CERS6: variants seen among roughly 807,000 people sequenced by gnomAD.
CERS6 encodes the protein LAG1 homolog, ceramide synthase 6.
In CERS6, 26 loss-of-function variants were observed where a neutral mutation model predicts 56.8. The ratio of observed to expected loss-of-function variants is 0.46; its 90% confidence interval spans 0.34 to 0.63. The LOEUF (loss-of-function observed/expected upper bound fraction) is 0.63. CERS6 is among the 30% of genes least tolerant of loss of function. The pLI, the probability that CERS6 is intolerant of heterozygous loss-of-function variation, is 0.01. For synonymous variants in CERS6, 164 were observed against 173.3 expected (o/e 0.95, Z 0.42); for missense variants, 415 against 467.5 (o/e 0.89, Z 1.04).
intron 4 of CERS6, among the ~76,000 whole-genome samples, chr2:168,683,258 A>G (rs970764822): frequency 1.2e-4 from 19 of 152,224 alleles, no homozygotes; most frequent in African/African-American, 4.3e-4. Flanking sequence ...CTGTAAGTAT[A>G]TAAGTGACCT....
At chr2:168,582,173 C>T (rs937339002) in intron 3 of CERS6, among the ~76,000 whole-genome samples, 5 of 152,232 alleles carry the variant, frequency 3.3e-5, no homozygotes, top group Non-Finnish European at 7.3e-5. Context: ...GGCACACACT[C>T]ATCCTATGGA....
At chr2:168,530,016 C>T (rs952609056) in intron 1 of CERS6, among the ~76,000 whole-genome samples, 4 of 152,076 alleles carry the variant, frequency 2.6e-5, no homozygotes, top group African/African-American at 9.7e-5. Flanking sequence ...CTATGTGTTT[C>T]TTGGCTGGTC....
intron 3 of CERS6, among the ~76,000 whole-genome samples, chr2:168,568,941 A>T (rs766808308): frequency 6.6e-6 from 1 of 152,238 alleles, no homozygotes; most frequent in Admixed American, 6.5e-5. Context: ...TAAAAACAGG[A>T]GCAGTTTTAT....
At chr2:168,683,450 CTT>C (rs1263493180) in intron 4 of CERS6, among the ~76,000 whole-genome samples, 1 of 152,158 alleles carries the variant, frequency 6.6e-6, no homozygotes, top group African/African-American at 2.4e-5. Flanking sequence ...TTTATGAACT[CTT>C]TACATATTAG....
chr2:168,591,977 T>C (rs920944181), intron 3 of CERS6, among the ~76,000 whole-genome samples: 5 of 152,200 alleles, frequency 3.3e-5, no homozygotes, highest in Non-Finnish European at 7.4e-5. Context: ...CTTTTCATAA[T>C]TGGGCCTCAG....
chr2:168,692,547 G>A (rs1686532263), intron 5 of CERS6, among the ~76,000 whole-genome samples: 1 of 152,120 alleles, frequency 6.6e-6, no homozygotes, highest in Admixed American at 6.6e-5. Flanking sequence ...GAAAGTTTGA[G>A]GGTCTGGGAG....
intron 1 of CERS6, among the ~76,000 whole-genome samples, chr2:168,502,235 C>G (rs907409072): frequency 6.6e-6 from 1 of 150,982 alleles, no homozygotes; most frequent in African/African-American, 2.4e-5. Context: ...ATTGGATGTT[C>G]GTTTGGACCT....
intron 4 of CERS6, among the ~76,000 whole-genome samples, chr2:168,682,956 T>C (rs1052458235): frequency 6.6e-6 from 1 of 152,244 alleles, no homozygotes; most frequent in Non-Finnish European, 1.5e-5. Flanking sequence ...CCGATTTATC[T>C]TAATTTTTGT....
intron 8 of CERS6, among the ~76,000 whole-genome samples, chr2:168,757,566 C>T (rs1232197851): frequency 1.3e-5 from 2 of 152,112 alleles, no homozygotes; most frequent in East Asian, 1.9e-4. Context: ...TGTTCAAGTT[C>T]AGATTCCTGT....
intron 8 of CERS6, among the ~76,000 whole-genome samples, chr2:168,722,806 A>G (rs1683219383): frequency 6.6e-6 from 1 of 152,128 alleles, no homozygotes; most frequent in Non-Finnish European, 1.5e-5. Flanking sequence ...AGTGTTGATT[A>G]TTTCTGTCCA....
chr2:168,674,240 AGAAT>A (rs1685996574), intron 4 of CERS6, among the ~76,000 whole-genome samples: 1 of 152,234 alleles, frequency 6.6e-6, no homozygotes, highest in African/African-American at 2.4e-5. Flanking sequence ...ATGATTTTTT[AGAAT>A]AGTTAGACCT....
chr2:168,735,332 T>C (rs1683677778), intron 8 of CERS6, among the ~76,000 whole-genome samples: 1 of 152,138 alleles, frequency 6.6e-6, no homozygotes, highest in South Asian at 2.1e-4. Context: ...CAATTAAGGT[T>C]AATGGTAGAT....
intron 6 of CERS6, among the ~76,000 whole-genome samples, chr2:168,696,867 T>C (rs1265463448): frequency 6.6e-6 from 1 of 152,218 alleles, no homozygotes; most frequent in Non-Finnish European, 1.5e-5. Flanking sequence ...AAGCAAGATA[T>C]GTTCGCCTTT....
chr2:168,564,389 A>G (rs1257962535), intron 3 of CERS6, among the ~76,000 whole-genome samples: 3 of 152,128 alleles, frequency 2.0e-5, no homozygotes, highest in Admixed American at 6.6e-5. Context: ...ATATGCTTTC[A>G]TATGTCTCCT....
intron 1 of CERS6, among the ~76,000 whole-genome samples, chr2:168,494,473 G>A (rs754441080): frequency 2.0e-5 from 3 of 152,118 alleles, no homozygotes; most frequent in Admixed American, 6.6e-5. Flanking sequence ...AAATAAATTA[G>A]TATTTAAATT....
At chr2:168,475,649 A>T (rs1694055028) in intron 1 of CERS6, among the ~76,000 whole-genome samples, 1 of 152,232 alleles carries the variant, frequency 6.6e-6, no homozygotes, top group Non-Finnish European at 1.5e-5. Context: ...TGGAAATTGT[A>T]TCCAAGGGTT....
chr2:168,714,872 T>A, intron 6 of CERS6, 129 bp from the exon 7 acceptor site: 1 of 761,128 alleles, frequency 1.3e-6, no homozygotes, highest in Non-Finnish European at 2.1e-6. Context: ...TTATACGTTA[T>A]TCATACCTTA....
intron 6 of CERS6, among the ~76,000 whole-genome samples, chr2:168,704,445 C>T (rs868128671): frequency 6.6e-6 from 1 of 152,024 alleles, no homozygotes; most frequent in East Asian, 1.9e-4. Flanking sequence ...TGGGAAAACA[C>T]CCACTTTGGC....
chr2:168,716,138 CTT>C (rs750272698), intron 7 of CERS6, among the ~76,000 whole-genome samples: 1 of 152,044 alleles, frequency 6.6e-6, no homozygotes, highest in Non-Finnish European at 1.5e-5. Flanking sequence ...AACTCTGGTC[CTT>C]TAGTGTTATG....
Sources: allele counts gnomAD v4.1 joint callset (sites outside exome capture counted in the v4.1 genomes callset), GRCh38; gene constraint gnomAD v4.1.1; transcripts MANE v1.5; gene names NCBI Gene and HGNC (gene_info 2026-07-23, HGNC 2026-07-21).